Variants in DYNC2H1 observed in about 807,000 individuals in gnomAD.
DYNC2H1 encodes cytoplasmic dynein 2 heavy chain 1.
DYNC2H1 carries 410 observed loss-of-function variants against 570.0 expected under a neutral mutation model. The observed-to-expected ratio is 0.72, with a 90% confidence interval of 0.66 to 0.78. The LOEUF is 0.78. Among genes scored for constraint, DYNC2H1 ranks in the 30% least tolerant of loss-of-function variants. The pLI, the probability that DYNC2H1 is intolerant of heterozygous loss-of-function variation, is 0.00. For missense variants in DYNC2H1, 4,865 were observed against 5,046.4 expected, an observed-to-expected ratio of 0.96 and a Z score of 1.09; for synonymous variants, 1,688 against 1,677.6, an observed-to-expected ratio of 1.01 and a Z score of -0.15.
chr11:103,288,684 TAAAAAA>T (rs57040929), intron 75 of DYNC2H1, among the ~76,000 whole-genome samples: 212 of 27,908 alleles, frequency 7.6e-3, no homozygotes, highest in African/African-American at 0.03. Context: ...CCGTCTCTAC[TAAAAAA>T]AAAAAAAAAA....
intron 83 of DYNC2H1, among the ~76,000 whole-genome samples, chr11:103,362,759 G>A (rs1050400576): frequency 6.6e-6 from 1 of 152,188 alleles, no homozygotes; most frequent in Non-Finnish European, 1.5e-5. Context: ...GCTGGGCGCA[G>A]TGGCTCACGC....
At chr11:103,274,845 A>G (rs1865846010) in intron 70 of DYNC2H1, among the ~76,000 whole-genome samples, 1 of 152,160 alleles carries the variant, frequency 6.6e-6, no homozygotes. Flanking sequence ...CTGTAATCCC[A>G]ACACTTTGGG....
intron 88 of DYNC2H1, among the ~76,000 whole-genome samples, chr11:103,478,111 G>A (rs1945622074): frequency 6.6e-6 from 1 of 152,046 alleles, no homozygotes; most frequent in South Asian, 2.1e-4. Context: ...AGTAGCGATT[G>A]CATTGCATTA....
intron 1 of DYNC2H1, among the ~76,000 whole-genome samples, chr11:103,110,918 C>T (rs1858083449): frequency 6.6e-6 from 1 of 151,976 alleles, no homozygotes; most frequent in Non-Finnish European, 1.5e-5. Context: ...CTCTGCCTCC[C>T]GGGTTCAAGC....
intron 86 of DYNC2H1, among the ~76,000 whole-genome samples, chr11:103,455,657 A>G (rs995100783): frequency 6.6e-5 from 10 of 152,176 alleles, no homozygotes; most frequent in Non-Finnish European, 1.2e-4. Flanking sequence ...AACCACATTT[A>G]AAGTGCTCAA....
chr11:103,419,622 A>C (rs1469616390), intron 84 of DYNC2H1, among the ~76,000 whole-genome samples: 2 of 152,058 alleles, frequency 1.3e-5, no homozygotes, highest in East Asian at 1.9e-4. Flanking sequence ...CCCTACAAAA[A>C]CCCCAAAGGT....
intron 70 of DYNC2H1, among the ~76,000 whole-genome samples, chr11:103,270,255 G>A (rs994504814): frequency 2.0e-5 from 3 of 151,506 alleles, no homozygotes; most frequent in Non-Finnish European, 4.4e-5. Flanking sequence ...AGGATTGGGA[G>A]CATGTGCAGT....
intron 30 of DYNC2H1, among the ~76,000 whole-genome samples, chr11:103,165,458 G>C (rs1239276455): frequency 6.6e-6 from 1 of 152,102 alleles, no homozygotes; most frequent in Non-Finnish European, 1.5e-5. Context: ...GAGAATACTG[G>C]AATTTTGCTA....
In DYNC2H1 at chr11:103,125,142, T is replaced by C. The variant is rs1456043930; in HGVS notation, c.1704T>C (p.Asp568=). 7 of 1,613,576 alleles carry C rather than the reference T, an allele frequency of 4.3e-6. No homozygotes were observed. The highest frequency in any genetic ancestry group is 1.7e-5 in the Admixed American group (1 of 59,972). ...GAATTATGGAATTGGATTCTAATGA[T>C]GGATTACTAAAAGTGCATTATTCAG... is the stretch of plus-strand genomic sequence containing the variant. ...SSRIMELDSN[D]GLLKVHYSDR... is the part of the protein sequence containing the mutation. The change falls in exon 12 of 89, where the codon GAT becomes GAC. Residue 568 remains aspartate (D), a synonymous_variant. Coordinates refer to ENST00000375735, the MANE Select transcript of DYNC2H1 (RefSeq NM_001377.3).
chr11:103,263,342 C>G (rs1865388512), intron 70 of DYNC2H1, among the ~76,000 whole-genome samples: 1 of 152,104 alleles, frequency 6.6e-6, no homozygotes, highest in African/African-American at 2.4e-5. Context: ...GAACTCAGCT[C>G]TGGACCAAGC....
intron 83 of DYNC2H1, among the ~76,000 whole-genome samples, chr11:103,397,028 C>T (rs770129845): frequency 4.6e-5 from 7 of 152,258 alleles, no homozygotes; most frequent in Non-Finnish European, 8.8e-5. Context: ...CATTGTACTT[C>T]ATAGGTGATA....
chr11:103,208,175 G>T (rs1318595475), intron 52 of DYNC2H1, among the ~76,000 whole-genome samples: 25 of 152,252 alleles, frequency 1.6e-4, no homozygotes, highest in Non-Finnish European at 3.1e-4. Flanking sequence ...AAGAGGAGAA[G>T]AGGCAACCAA....
At chr11:103,182,234 T>C (rs1199283384) in intron 40 of DYNC2H1, among the ~76,000 whole-genome samples, 1 of 150,664 alleles carries the variant, frequency 6.6e-6, no homozygotes, top group Non-Finnish European at 1.5e-5. Context: ...ATATGACATA[T>C]GTATATATAA....
At chr11:103,236,942 T>C (rs1372830037) in intron 63 of DYNC2H1, among the ~76,000 whole-genome samples, 1 of 152,030 alleles carries the variant, frequency 6.6e-6, no homozygotes, top group Non-Finnish European at 1.5e-5. Context: ...AGATAAGTTT[T>C]GGCTTATCAA....
At position 103,256,067 on chromosome 11, in the gene DYNC2H1, T is replaced by C. The variant is rs1011777110; in HGVS notation, c.10327-39T>C. On this transcript the variant is annotated intron_variant, in intron 67 of 88. Transcript: ENST00000375735. This position sits in a 1 kb window ranked among gnomAD's most constrained non-coding sequence, Gnocchi z 4.0. The stretch of plus-strand genomic sequence containing the variant: ...GGTTTGCTTTAATTGGTTATTTTTA[T>C]ATGTATAATAATATTCATATTGTTA... 3.3e-6 allele frequency: 5 copies of C among 1,505,306 alleles called. No individual in the cohort carries two copies. The African/African-American group carries it at 7.0e-5, about 21-fold the overall frequency. The allele number at this position is 1,505,306 out of a possible 1,614,324, so 93.2% of individuals were successfully genotyped here.
chr11:103,469,700 T>A (rs903010242), intron 88 of DYNC2H1, among the ~76,000 whole-genome samples: 2 of 152,250 alleles, frequency 1.3e-5, no homozygotes, highest in African/African-American at 4.8e-5. Flanking sequence ...AGCTTCATTT[T>A]CTCCAAAATT....
At chr11:103,454,610 TTC>T (rs1944724037) in intron 85 of DYNC2H1, among the ~76,000 whole-genome samples, 1 of 152,164 alleles carries the variant, frequency 6.6e-6, no homozygotes, top group Non-Finnish European at 1.5e-5. Flanking sequence ...TACACAGACT[TTC>T]TGTTGTTTTT....
chr11:103,273,076 A>T (rs115036486), intron 70 of DYNC2H1, among the ~76,000 whole-genome samples: 6,534 of 130,140 alleles, frequency 0.05, 465 homozygotes, highest in African/African-American at 0.16. Context: ...CAGTTTTTTT[A>T]AAAAAAAAAC....
intron 83 of DYNC2H1, among the ~76,000 whole-genome samples, chr11:103,392,677 C>CTGATTTTGGTGT (rs1942212772): frequency 6.6e-6 from 1 of 152,018 alleles, no homozygotes; most frequent in African/African-American, 2.4e-5. Flanking sequence ...ATAAACCACA[C>CTGATTTTGGTGT]CAAAAGGCAT....
Sources: gnomAD v4.1 joint callset for allele counts (sites outside exome capture counted in the v4.1 genomes callset) on GRCh38, gnomAD v4.1.1 for gene constraint, Gnocchi (gnomAD v3.1) non-coding constraint, MANE v1.5 for transcripts, NCBI Gene and HGNC (gene_info 2026-07-23, HGNC 2026-07-21) for gene names.